PEX5L: variants seen among roughly 807,000 people sequenced by gnomAD.
PEX5L encodes PEX5-related protein.
Under a neutral mutation model 84.0 loss-of-function variants are expected in PEX5L, and 30 were observed. The ratio of observed to expected loss-of-function variants is 0.36; its 90% CI spans 0.27 to 0.48. PEX5L has a LOEUF of 0.48. Among genes scored for constraint, PEX5L ranks in the 20% least tolerant of loss-of-function variants. PEX5L has a pLI of 0.99. For synonymous variants in PEX5L, 270 were observed against 283.1 expected (o/e 0.95, Z 0.46); for missense variants, 533 against 754.6 (o/e 0.71, Z 3.44).
chr3:179,851,648 T>G (rs1224649167), intron 8 of PEX5L, among the ~76,000 whole-genome samples: 1 of 152,178 alleles, frequency 6.6e-6, no homozygotes, highest in Non-Finnish European at 1.5e-5. Flanking sequence ...GCCTTGAGGG[T>G]TGTGCCCTCT....
rs1406505565 is a variant in PEX5L at position 179,999,107 on chromosome 3, A to T, written c.22-27442T>A. 2.6e-5 allele frequency among the ~76,000 whole-genome samples: 4 copies of T among 152,180 alleles called. No homozygotes were observed. In the South Asian group the frequency reaches 8.3e-4, roughly 31 times the overall value. On this transcript the variant is annotated intron_variant, in intron 1 of 14. Coordinates refer to ENST00000467460, the MANE Select transcript of PEX5L (RefSeq NM_016559.3). The stretch of plus-strand genomic sequence containing the variant: ...TGGCCAGATGCTTGATTATATACTG[A>T]TTCATGGGCTGTAGCCAATGGTTTG...
At position 179,954,212 on chromosome 3, in the gene PEX5L, G is replaced by A. The variant is rs75686020; in HGVS notation, c.93+17382C>T. On this transcript the variant is annotated intron_variant, in intron 2 of 14. Coordinates refer to ENST00000467460, the MANE Select transcript of PEX5L (RefSeq NM_016559.3). ...AGAAATTAACCATTAGTCGGGGGGG[G>A]GGGAAAAAGTCAGCCATGAGTAAAA... Among the ~76,000 whole-genome samples, 20 of 141,078 alleles carry A rather than the reference G, an allele frequency of 1.4e-4. 1 individual carries two copies. Among genetic ancestry groups the A allele is most frequent in the South Asian group, 4.5e-4 (2 of 4,460 alleles). 92.6% of individuals were successfully genotyped at this position (141,078 alleles called of 152,430 possible). A position where few individuals can be genotyped will look rare whatever the true frequency, so the allele number is the denominator to read the frequency against.
chr3:179,848,483 G>T (rs1189282939), intron 8 of PEX5L, among the ~76,000 whole-genome samples: 2 of 151,478 alleles, frequency 1.3e-5, no homozygotes, highest in African/African-American at 4.9e-5. Context: ...CCTGGAAGGA[G>T]GCGAGGCTGA....
At chr3:179,820,169 G>A in intron 8 of PEX5L, 193 bp from the exon 9 acceptor site, 1 of 657,806 alleles carries the variant, frequency 1.5e-6, no homozygotes, top group Non-Finnish European at 2.5e-6. Flanking sequence ...GATTAGCTGT[G>A]GTTTTCTCCA....
intron 2 of PEX5L, among the ~76,000 whole-genome samples, chr3:179,946,676 T>G (rs898222203): frequency 3.3e-5 from 5 of 152,224 alleles, no homozygotes; most frequent in African/African-American, 1.2e-4. Context: ...TCAGAATCCC[T>G]GGGCGTGAAA....
intron 1 of PEX5L, among the ~76,000 whole-genome samples, chr3:180,019,305 T>C (rs1180911397): frequency 6.6e-6 from 1 of 152,208 alleles, no homozygotes; most frequent in Non-Finnish European, 1.5e-5. Context: ...AGAATGCATA[T>C]ATAAATGCAT....
chr3:179,841,086 G>A lies in PEX5L; in HGVS notation c.822+17976C>T, dbSNP rs531886513. Among the ~76,000 whole-genome samples the A allele has an allele frequency of 3.3e-5, 5 of 152,230 alleles. No homozygotes were observed. The East Asian group carries it at 7.7e-4, about 24-fold the overall frequency. On this transcript the variant is annotated intron_variant, in intron 8 of 14. Transcript: ENST00000467460. ...CAGAAAAGGAGACTGGGAACGCATC[G>A]CCAGTGAGGTGGGAGAAAAACGAGT... is the stretch of plus-strand genomic sequence containing the variant.
chr3:179,812,347 AAAAC>A (rs939877009), intron 10 of PEX5L, among the ~76,000 whole-genome samples: 2 of 152,200 alleles, frequency 1.3e-5, no homozygotes, highest in Non-Finnish European at 1.5e-5. Context: ...TAGGAAAAGC[AAAAC>A]AAACAAAATC....
chr3:179,844,989 T>C (rs1387950545), intron 8 of PEX5L, among the ~76,000 whole-genome samples: 1 of 152,246 alleles, frequency 6.6e-6, no homozygotes, highest in African/African-American at 2.4e-5. Context: ...TCATACTTAT[T>C]CTGTGAAAAT....
chr3:180,024,270 G>T (rs1790698470), intron 1 of PEX5L, among the ~76,000 whole-genome samples: 1 of 149,828 alleles, frequency 6.7e-6, no homozygotes. Context: ...GGCACTTTGG[G>T]AGGCCGAGGT....
intron 8 of PEX5L, among the ~76,000 whole-genome samples, chr3:179,847,257 T>C (rs1560356292): frequency 6.6e-6 from 1 of 152,074 alleles, no homozygotes; most frequent in Non-Finnish European, 1.5e-5. Flanking sequence ...GATATATAGA[T>C]AACTGTATAT....
chr3:179,972,269 G>A (rs1251605885), intron 1 of PEX5L, among the ~76,000 whole-genome samples: 1 of 150,824 alleles, frequency 6.6e-6, no homozygotes, highest in African/African-American at 2.4e-5. Context: ...TATTTTAAGA[G>A]TTTATGTAAA....
chr3:179,819,781 A>C, intron 9 of PEX5L, 79 bp downstream of exon 9: 1 of 1,173,820 alleles, frequency 8.5e-7, no homozygotes, highest in Non-Finnish European at 1.3e-6. Flanking sequence ...TTGACAGAAT[A>C]GCTATTGACT....
Position 179,801,915 on chromosome 3 carries a change from G to C in PEX5L, c.1794C>G (p.Leu598=), listed in dbSNP as rs755746984. The change falls in exon 15 of 15, where the codon CTC becomes CTG. Residue 598 remains leucine (L), a synonymous_variant. Coordinates refer to ENST00000467460, the MANE Select transcript of PEX5L (RefSeq NM_016559.3). ...AGAGTTCTGGTTGGTCCATCAGAGA[G>C]AGCGCAATTCTGAGGGCAGCCCAGA... The part of the protein sequence containing the change: ...GNIWAALRIA[L]SLMDQPELFQ... 8 of 1,613,826 alleles carry C rather than the reference G, an allele frequency of 5.0e-6. No individual in the cohort carries two copies. Among genetic ancestry groups the C allele is most frequent in the East Asian group, 4.5e-5 (2 of 44,886 alleles).
Position 180,036,663 on chromosome 3 carries a change from C to T in PEX5L, c.-64G>A. 1 of 1,585,744 alleles carries T rather than the reference C, an allele frequency of 6.3e-7. No individual in the cohort carries two copies. On this transcript the variant is annotated 5_prime_UTR_variant, in exon 1 of 15. Coordinates refer to ENST00000467460, the MANE Select transcript of PEX5L (RefSeq NM_016559.3). Reference sequence around the variant, plus strand: ...ATGCTTTTCCCCCGTGCTTACTTGCCCACCAAAAGAGGGGAAAAGGTGGGT... The same window carrying T: ...ATGCTTTTCCCCCGTGCTTACTTGCTCACCAAAAGAGGGGAAAAGGTGGGT...
chr3:179,971,804 T>G (rs1390177260), intron 1 of PEX5L, 139 bp from the exon 2 acceptor site: 1 of 819,716 alleles, frequency 1.2e-6, no homozygotes, highest in African/African-American at 1.8e-5. Context: ...ATTGCTCATG[T>G]ACAACAGCAA....
intron 1 of PEX5L, among the ~76,000 whole-genome samples, chr3:179,999,803 T>G (rs1438606010): frequency 6.6e-6 from 1 of 152,212 alleles, no homozygotes; most frequent in Admixed American, 6.5e-5. Flanking sequence ...CTCATGCTCA[T>G]GGAACTCACT....
intron 1 of PEX5L, among the ~76,000 whole-genome samples, chr3:179,994,065 A>G (rs1361108716): frequency 6.6e-6 from 1 of 152,190 alleles, no homozygotes; most frequent in Non-Finnish European, 1.5e-5. Context: ...GTAGTTCCAC[A>G]ATGTCACTTT....
At chr3:179,954,913 A>T (rs78713292) in intron 2 of PEX5L, among the ~76,000 whole-genome samples, 1 of 151,960 alleles carries the variant, frequency 6.6e-6, no homozygotes, top group Non-Finnish European at 1.5e-5. Flanking sequence ...CCCCACTTAC[A>T]AAGTGACTAA....
Sources: allele counts gnomAD v4.1 joint callset (sites outside exome capture counted in the v4.1 genomes callset), GRCh38; gene constraint gnomAD v4.1.1; transcripts MANE v1.5; gene names NCBI Gene and HGNC (gene_info 2026-07-23, HGNC 2026-07-21).